Variants in RNF180 observed in about 807,000 individuals in gnomAD.
RNF180 encodes E3 ubiquitin-protein ligase RNF180.
RNF180 carries 38 observed loss-of-function variants against 59.2 expected under a neutral mutation model. That is an observed-to-expected ratio of 0.64 (90% CI 0.50 to 0.84). RNF180 has a LOEUF of 0.84. RNF180 is among the 40% of genes least tolerant of loss of function. The pLI is 0.00. For missense variants in RNF180, 705 were observed against 700.9 expected, an observed-to-expected ratio of 1.01 and a Z score of -0.07; for synonymous variants, 262 against 240.3, an observed-to-expected ratio of 1.09 and a Z score of -0.84.
intron 5 of RNF180, among the ~76,000 whole-genome samples, chr5:64,232,637 CCTT>C (rs763472666): frequency 3.9e-5 from 6 of 152,140 alleles, no homozygotes; most frequent in South Asian, 4.1e-4. Context: ...AATGAATAAA[CCTT>C]CTTAAATGGT....
rs75242857 is a variant in RNF180, at chr5:64,336,451, C to G, written c.1579+6045C>G. 4.5e-3 allele frequency among the ~76,000 whole-genome samples: 685 copies of G among 152,246 alleles called. 5 individuals carry two copies. Among genetic ancestry groups the G allele is most frequent in the African/African-American group, 0.016 (651 of 41,548 alleles). On this transcript the variant is annotated intron_variant, in intron 7 of 7. Transcript: ENST00000389100. Reference sequence around the variant, plus strand: ...CAATAAAAACACTCTAATGAATATCCTACTGTGGGCTGTGAATATCTATTT... The same window carrying G: ...CAATAAAAACACTCTAATGAATATCGTACTGTGGGCTGTGAATATCTATTT...
At chr5:64,239,886 A>G (rs1488332980) in intron 5 of RNF180, among the ~76,000 whole-genome samples, 1 of 152,216 alleles carries the variant, frequency 6.6e-6, no homozygotes, top group Non-Finnish European at 1.5e-5. Context: ...TGTTTGCTAA[A>G]TATAACAAAA....
chr5:64,177,869 A>G (rs1276477675), intron 1 of RNF180, among the ~76,000 whole-genome samples: 3 of 152,040 alleles, frequency 2.0e-5, no homozygotes, highest in African/African-American at 7.2e-5. Flanking sequence ...TGAAGAGGCA[A>G]AAGAAGGACC....
In RNF180 at chr5:64,214,000, A is replaced by G. The variant is rs369994716; in HGVS notation, c.674A>G (p.His225Arg). 11 of 1,614,062 alleles carry G rather than the reference A, an allele frequency of 6.8e-6. No homozygotes were observed. The highest frequency in any genetic ancestry group is 1.1e-5 in the South Asian group (1 of 91,090). The change falls in exon 4 of 8, where the codon CAT (histidine) becomes CGT (arginine). Residue 225 changes from histidine to arginine, a missense_variant. By Grantham distance (29) the His-to-Arg change is conservative. Transcript: ENST00000389100. ...GGCAGATGCGCTACAAGAGCTTTTCATAGAAAATCACATAGTTTGGATCTG... is the reference window on the plus strand; with the variant it reads ...GGCAGATGCGCTACAAGAGCTTTTCGTAGAAAATCACATAGTTTGGATCTG... ...VTGRCATRAF[H>R]RKSHSLDLNI...
intron 1 of RNF180, among the ~76,000 whole-genome samples, chr5:64,187,275 A>G (rs930250661): frequency 2.6e-5 from 4 of 152,204 alleles, no homozygotes; most frequent in African/African-American, 9.6e-5. Flanking sequence ...AGCAAGTACA[A>G]TGACAAATTC....
At position 64,296,574 on chromosome 5, in the gene RNF180, A is replaced by G. The variant is rs148664283; in HGVS notation, c.1228-28612A>G. Among the ~76,000 whole-genome samples, 1,125 of 152,184 alleles carry G rather than the reference A, an allele frequency of 7.4e-3. 10 individuals are homozygous for G. The highest frequency in any genetic ancestry group is 0.012 in the Non-Finnish European group (784 of 67,994). On this transcript the variant is annotated intron_variant, in intron 5 of 7. Coordinates refer to ENST00000389100, the MANE Select transcript of RNF180 (RefSeq NM_001113561.2). ...GCATTTTTCTAGGGAGAGGATCTAT[A>G]GCTTTCAGAAGAATCTCAGTAGGAT...
At position 64,277,284 on chromosome 5, in the gene RNF180, A is replaced by G. The variant is rs1453274786; in HGVS notation, c.1228-47902A>G. Among the ~76,000 whole-genome samples, 4 of 152,094 alleles carry G rather than the reference A, an allele frequency of 2.6e-5. No homozygotes were observed. The East Asian group carries it at 7.7e-4, about 29-fold the overall frequency. On this transcript the variant is annotated intron_variant, in intron 5 of 7. Transcript: ENST00000389100. ...AAAGGCAAGCAAAATGGAAAGAAGTAAAAGCTGAATATAAAAAGCAGGAAT... is the reference window on the plus strand; with the variant it reads ...AAAGGCAAGCAAAATGGAAAGAAGTGAAAGCTGAATATAAAAAGCAGGAAT...
At chr5:64,225,597 C>A (rs1741663835) in intron 5 of RNF180, among the ~76,000 whole-genome samples, 1 of 141,518 alleles carries the variant, frequency 7.1e-6, no homozygotes, top group Non-Finnish European at 1.5e-5. Flanking sequence ...CTCTGCCTAG[C>A]CGCCCTGTCT....
intron 5 of RNF180, among the ~76,000 whole-genome samples, chr5:64,285,483 A>G (rs1178056629): frequency 1.3e-5 from 2 of 150,676 alleles, no homozygotes; most frequent in Non-Finnish European, 3.0e-5. Flanking sequence ...GCATGCCAGC[A>G]AAGTGGTGGG....
chr5:64,292,423 C>A (rs1042323962), intron 5 of RNF180, among the ~76,000 whole-genome samples: 1 of 152,120 alleles, frequency 6.6e-6, no homozygotes, highest in Non-Finnish European at 1.5e-5. Context: ...ATCCTAGTTG[C>A]GTTGGTTTTC....
chr5:64,179,270 T>A (rs2111931042), intron 1 of RNF180, among the ~76,000 whole-genome samples: 1 of 152,300 alleles, frequency 6.6e-6, no homozygotes, highest in Middle Eastern at 3.4e-3. Flanking sequence ...AACATCTGTG[T>A]GTTCTCACCA....
intron 5 of RNF180, among the ~76,000 whole-genome samples, chr5:64,322,911 T>C (rs1744444864): frequency 6.6e-6 from 1 of 151,798 alleles, no homozygotes; most frequent in South Asian, 2.1e-4. Context: ...TGCACCAAAA[T>C]CTCACACATC....
chr5:64,305,460 A>G (rs1743393110), intron 5 of RNF180, among the ~76,000 whole-genome samples: 2 of 150,206 alleles, frequency 1.3e-5, no homozygotes, highest in South Asian at 2.1e-4. Flanking sequence ...GCCAGTAGCA[A>G]CCAAGGCATG....
At chr5:64,346,195 T>C (rs191411778) in intron 7 of RNF180, among the ~76,000 whole-genome samples, 12 of 151,702 alleles carry the variant, frequency 7.9e-5, no homozygotes, top group African/African-American at 2.9e-4. Context: ...AAACAGAACT[T>C]TTCATCTTAT....
intron 1 of RNF180, among the ~76,000 whole-genome samples, chr5:64,179,954 T>G (rs372957460): frequency 6.6e-6 from 1 of 152,192 alleles, no homozygotes; most frequent in African/African-American, 2.4e-5. Context: ...AACGGGAACC[T>G]TGTTTTATTT....
intron 7 of RNF180, among the ~76,000 whole-genome samples, chr5:64,366,515 C>T (rs1018206865): frequency 6.6e-6 from 1 of 151,620 alleles, no homozygotes; most frequent in Non-Finnish European, 1.5e-5. Flanking sequence ...GAGGAGTTCT[C>T]GTGGATGATC....
intron 5 of RNF180, among the ~76,000 whole-genome samples, chr5:64,258,115 G>A (rs1744093354): frequency 6.6e-6 from 1 of 152,190 alleles, no homozygotes; most frequent in Non-Finnish European, 1.5e-5. Context: ...GAGTTGACAA[G>A]TGAGGCTGAG....
At chr5:64,308,518 G>T (rs1347467486) in intron 5 of RNF180, among the ~76,000 whole-genome samples, 3 of 151,784 alleles carry the variant, frequency 2.0e-5, no homozygotes, top group South Asian at 4.1e-4. Context: ...CAAAAGTGTA[G>T]CCAGGGGCTT....
intron 2 of RNF180, among the ~76,000 whole-genome samples, chr5:64,208,114 G>T (rs1240016374): frequency 6.6e-6 from 1 of 151,904 alleles, no homozygotes. Context: ...ATATTTTTCT[G>T]TTATAGAAAC....
Sources: gnomAD v4.1 joint callset for allele counts (sites outside exome capture counted in the v4.1 genomes callset) on GRCh38, gnomAD v4.1.1 for gene constraint, MANE v1.5 for transcripts, NCBI Gene and HGNC (gene_info 2026-07-23, HGNC 2026-07-21) for gene names.